The following SMYD3 variants were observed in gnomAD, a reference collection of about 807,000 sequenced individuals.
The protein encoded by SMYD3 is histone-lysine N-methyltransferase SMYD3.
Under a neutral mutation model 57.7 loss-of-function variants are expected in SMYD3, and 36 were observed. The ratio of observed to expected loss-of-function variants is 0.62; its 90% CI spans 0.48 to 0.82. The LOEUF (loss-of-function observed/expected upper bound fraction) is 0.82, where lower values mean the gene tolerates loss of function less well. SMYD3 is among the 40% of genes least tolerant of loss of function. The probability of loss-of-function intolerance (pLI) is 0.00; values close to 1 mark genes in which losing one functional copy is unlikely to be tolerated. For synonymous variants in SMYD3, 211 were observed against 195.0 expected, an observed-to-expected ratio of 1.08 and a Z score of -0.68; for missense variants, 515 against 538.8, an observed-to-expected ratio of 0.96 and a Z score of 0.44.
chr1:245,903,655 A>G (rs2054347465), intron 8 of SMYD3, among the ~76,000 whole-genome samples: 1 of 152,178 alleles, frequency 6.6e-6, no homozygotes, highest in Admixed American at 6.5e-5. Context: ...TGGTGACAAG[A>G]GCATCTCTGG....
At chr1:245,818,235 G>C (rs1381048255) in intron 10 of SMYD3, among the ~76,000 whole-genome samples, 1 of 152,168 alleles carries the variant, frequency 6.6e-6, no homozygotes, top group Non-Finnish European at 1.5e-5. Context: ...AGAGTGGGGA[G>C]CAATATTCAA....
intron 10 of SMYD3, among the ~76,000 whole-genome samples, chr1:245,855,835 C>T (rs1275302463): frequency 6.6e-6 from 1 of 152,202 alleles, no homozygotes; most frequent in Non-Finnish European, 1.5e-5. Context: ...TAGCCAAGGT[C>T]AGGAGTGACA....
intron 1 of SMYD3, among the ~76,000 whole-genome samples, chr1:246,373,364 C>A (rs1268191355): frequency 6.6e-6 from 1 of 152,146 alleles, no homozygotes; most frequent in Non-Finnish European, 1.5e-5. Flanking sequence ...GCTTTAATTA[C>A]AATTTATTCC....
At chr1:245,926,554 A>G (rs965462831) in intron 7 of SMYD3, among the ~76,000 whole-genome samples, 1 of 152,196 alleles carries the variant, frequency 6.6e-6, no homozygotes, top group Non-Finnish European at 1.5e-5. Context: ...AGAGATGGAA[A>G]GAGAAAGATG....
intron 1 of SMYD3, among the ~76,000 whole-genome samples, chr1:246,405,989 C>T (rs143546145): frequency 0.025 from 3,794 of 150,760 alleles, 117 homozygotes; most frequent in Non-Finnish European, 0.039. Context: ...ATCGCTGCAA[C>T]AGTCTGTTAA....
intron 1 of SMYD3, among the ~76,000 whole-genome samples, chr1:246,439,308 C>A (rs1469007732): frequency 1.3e-5 from 2 of 152,084 alleles, no homozygotes; most frequent in Non-Finnish European, 2.9e-5. Flanking sequence ...ATGTGAAAAC[C>A]ATGGATTCAA....
intron 5 of SMYD3, among the ~76,000 whole-genome samples, chr1:246,085,270 G>C (rs2060703670): frequency 6.6e-6 from 1 of 152,048 alleles, no homozygotes; most frequent in Non-Finnish European, 1.5e-5. Flanking sequence ...TCCAGAGGTG[G>C]ATGTTTATCA....
chr1:245,959,911 T>C (rs1181549831), intron 5 of SMYD3, among the ~76,000 whole-genome samples: 2 of 152,078 alleles, frequency 1.3e-5, no homozygotes, highest in African/African-American at 4.8e-5. Flanking sequence ...CCTGAGTAGC[T>C]GAGACTGCAG....
intron 1 of SMYD3, among the ~76,000 whole-genome samples, chr1:246,362,729 G>A (rs2148716417): frequency 6.6e-6 from 1 of 152,386 alleles, no homozygotes; most frequent in Middle Eastern, 3.4e-3. Flanking sequence ...TCCCGGAGGT[G>A]CAGGGATTGC....
intron 2 of SMYD3, among the ~76,000 whole-genome samples, chr1:246,344,894 A>G (rs2153379): frequency 0.95 from 145,007 of 152,194 alleles, 69,104 homozygotes; most frequent in East Asian, 1. Context: ...TGTTTTACTC[A>G]GTTTTCTTAC....
chr1:246,070,057 T>C (rs139773939), intron 5 of SMYD3, among the ~76,000 whole-genome samples: 99 of 152,252 alleles, frequency 6.5e-4, no homozygotes, highest in African/African-American at 2.2e-3. Context: ...CTTTGAGAGA[T>C]GGTTGCCCTG....
intron 5 of SMYD3, among the ~76,000 whole-genome samples, chr1:246,298,010 T>C (rs1021652368): frequency 2.6e-5 from 4 of 152,106 alleles, no homozygotes; most frequent in African/African-American, 4.8e-5. Flanking sequence ...TTAATTTTTA[T>C]GAGATGCTTA....
chr1:246,123,966 A>G (rs943050208), intron 5 of SMYD3, among the ~76,000 whole-genome samples: 6 of 150,720 alleles, frequency 4.0e-5, no homozygotes, highest in East Asian at 1.9e-4. Context: ...CCTTGTCACT[A>G]TATCTATATC....
intron 8 of SMYD3, among the ~76,000 whole-genome samples, chr1:245,897,916 G>A (rs776149143): frequency 3.4e-4 from 51 of 151,874 alleles, no homozygotes; most frequent in Middle Eastern, 3.4e-3. Flanking sequence ...AAAAAGTATT[G>A]TCAATCAGCT....
intron 5 of SMYD3, among the ~76,000 whole-genome samples, chr1:246,002,269 C>G (rs1358808026): frequency 7.4e-6 from 1 of 135,814 alleles, no homozygotes; most frequent in Non-Finnish European, 1.6e-5. Context: ...ACTGCAAGCT[C>G]CGCCTCCCGG....
At chr1:246,169,538 C>T (rs2062289355) in intron 5 of SMYD3, among the ~76,000 whole-genome samples, 1 of 151,960 alleles carries the variant, frequency 6.6e-6, no homozygotes, top group African/African-American at 2.4e-5. Context: ...TGTCCCAGAT[C>T]ACAGGTGAAA....
intron 11 of SMYD3, 35 bp downstream of exon 11, chr1:245,764,006 C>G (rs762211558): frequency 2.0e-6 from 3 of 1,521,968 alleles, no homozygotes; most frequent in East Asian, 2.3e-5. Flanking sequence ...AAAAAGGATG[C>G]CAGGCAGAAC....
intron 5 of SMYD3, among the ~76,000 whole-genome samples, chr1:246,246,586 G>A (rs75966503): frequency 0.03 from 4,576 of 152,106 alleles, 306 homozygotes; most frequent in East Asian, 0.24. Context: ...GAAGCTTGAA[G>A]CTTCAAATTC....
chr1:246,069,639 T>A (rs1290042257), intron 5 of SMYD3, among the ~76,000 whole-genome samples: 1 of 152,180 alleles, frequency 6.6e-6, no homozygotes, highest in African/African-American at 2.4e-5. Context: ...AAGATGGCAT[T>A]GCTAAATCCC....
Sources: allele counts gnomAD v4.1 joint callset (sites outside exome capture counted in the v4.1 genomes callset), GRCh38; gene constraint gnomAD v4.1.1; transcripts MANE v1.5; gene names NCBI Gene and HGNC (gene_info 2026-07-23, HGNC 2026-07-21).